Variants in SORL1-AS1 observed in about 807,000 individuals in gnomAD.
SORL1-AS1 encodes lncRNA 51 A.
the SORL1-AS1 span, among the ~76,000 whole-genome samples, chr11:121,441,278 C>T: frequency 6.6e-6 from 1 of 151,800 alleles, no homozygotes; most frequent in Non-Finnish European, 1.5e-5. Context: ...AATCCCAGCA[C>T]TTTGGGAGGC....
rs1361237914 is a variant in SORL1-AS1 at position 121,450,364 on chromosome 11, CAGA to C, written n.340-468_340-466del. On this transcript the variant is annotated intron_variant and non_coding_transcript_variant, in intron 1 of 1. Coordinates refer to ENST00000501964, the Ensembl canonical transcript of SORL1-AS1. This position sits in a 1 kb window ranked among gnomAD's most constrained non-coding sequence, Gnocchi z 5.2. ...TCCTGGTAAGGTGATGCTGACCAGA[CAGA>C]GCTGATCTAGATGAGGGGTGGGAGG... Among the ~76,000 whole-genome samples, 3 of 151,862 alleles carry C rather than the reference CAGA, an allele frequency of 2.0e-5. No homozygotes were observed. Among genetic ancestry groups the C allele is most frequent in the Non-Finnish European group, 4.4e-5 (3 of 68,016 alleles).
Position 121,452,254 on chromosome 11 carries a change from G to T in SORL1-AS1, n.339+421C>A, listed in dbSNP as rs996515421. On this transcript the variant is annotated intron_variant and non_coding_transcript_variant, in intron 1 of 1. Coordinates refer to ENST00000501964, the Ensembl canonical transcript of SORL1-AS1. This position sits in a 1 kb window ranked among gnomAD's most constrained non-coding sequence, Gnocchi z 5.3. Reference sequence around the variant, plus strand: ...CCCCGGGAGCGGCGCGCGCGGTCCCGGCCCAGCGGCTCTCCTGGCCTCGCG... The same window carrying T: ...CCCCGGGAGCGGCGCGCGCGGTCCCTGCCCAGCGGCTCTCCTGGCCTCGCG... 5.7e-6 allele frequency: 7 copies of T among 1,233,300 alleles called. No individual in the cohort carries two copies. Among genetic ancestry groups the T allele is most frequent in the Non-Finnish European group, 7.3e-6 (7 of 955,366 alleles). 76.4% of individuals were successfully genotyped at this position (1,233,300 alleles called of 1,614,324 possible). A position where few individuals can be genotyped will look rare whatever the true frequency, so the allele number is the denominator to read the frequency against.
the SORL1-AS1 span, among the ~76,000 whole-genome samples, chr11:121,441,530 C>CAAAAAAAAAAAAAAAAAAAAAAAAAAA: frequency 9.6e-4 from 50 of 52,332 alleles, no homozygotes; most frequent in African/African-American, 1.2e-3. Flanking sequence ...GACTCTGTCT[C>CAAAAAAAAAAAAAAAAAAAAAAAAAAA]AAAAAAAAAA....
downstream of SORL1-AS1, among the ~76,000 whole-genome samples, chr11:121,445,544 C>G (rs993051520): frequency 3.3e-5 from 5 of 152,134 alleles, no homozygotes; most frequent in African/African-American, 4.8e-5. Context: ...CCCCACCTAC[C>G]TGTTCCCACA....
the SORL1-AS1 span, among the ~76,000 whole-genome samples, chr11:121,441,490 C>T: frequency 7.0e-6 from 1 of 142,880 alleles, no homozygotes; most frequent in African/African-American, 2.7e-5. Flanking sequence ...AAGATTCCAC[C>T]ACTGCACTCC....
chr11:121,443,062 AAG>A (rs1353974796), downstream of SORL1-AS1, among the ~76,000 whole-genome samples: 4 of 152,122 alleles, frequency 2.6e-5, no homozygotes, highest in Non-Finnish European at 5.9e-5. Context: ...TGGGATGGAA[AAG>A]AGTGTCTATA....
In SORL1-AS1 at chr11:121,452,378, T is replaced by G; in HGVS notation, n.339+297A>C. The G allele has an allele frequency of 6.4e-7, 1 of 1,552,446 alleles. No homozygotes were observed. The highest frequency in any genetic ancestry group is 8.7e-7 in the Non-Finnish European group (1 of 1,153,868). ...AGGGAGTCGCGACTCCCGTTCCTATTCACCCTGGTCGCACTGCTGCCGCCC... is the reference window on the plus strand; with the variant it reads ...AGGGAGTCGCGACTCCCGTTCCTATGCACCCTGGTCGCACTGCTGCCGCCC... On this transcript the variant is annotated intron_variant and non_coding_transcript_variant, in intron 1 of 1. Coordinates refer to ENST00000501964, the Ensembl canonical transcript of SORL1-AS1. The surrounding 1 kb of genome is among the most constrained non-coding windows in gnomAD (Gnocchi z 5.3).
At chr11:121,438,829 C>T in the SORL1-AS1 span, among the ~76,000 whole-genome samples, 3 of 152,290 alleles carry the variant, frequency 2.0e-5, no homozygotes, top group East Asian at 5.8e-4. Flanking sequence ...AGTTCGAGAG[C>T]AGCCTGGCCA....
chr11:121,441,682 C>T, the SORL1-AS1 span, among the ~76,000 whole-genome samples: 14 of 152,026 alleles, frequency 9.2e-5, no homozygotes, highest in Non-Finnish European at 2.1e-4. Context: ...CACTGGGTGG[C>T]TTGAGGATGT....
downstream of SORL1-AS1, among the ~76,000 whole-genome samples, chr11:121,445,234 G>C (rs569100994): frequency 1.3e-5 from 2 of 152,162 alleles, no homozygotes; most frequent in Admixed American, 6.5e-5. Flanking sequence ...GCACAGTGAG[G>C]GGCGTGATCT....
Position 121,452,644 on chromosome 11 carries a change from C to A in SORL1-AS1, n.339+31G>T, listed in dbSNP as rs1446148475. 1 of 1,424,328 alleles carries A rather than the reference C, an allele frequency of 7.0e-7. No homozygotes were observed. Among genetic ancestry groups the A allele is most frequent in the Non-Finnish European group, 9.2e-7 (1 of 1,091,362 alleles). 88.2% of individuals were successfully genotyped at this position (1,424,328 alleles called of 1,614,324 possible). Reference sequence around the variant, plus strand: ...GAGCAGTTTTGCAACCCGCCTCCCTCCAGTTTTTTCCTCTCCCTGCACTTC... The same window carrying A: ...GAGCAGTTTTGCAACCCGCCTCCCTACAGTTTTTTCCTCTCCCTGCACTTC... On this transcript the variant is annotated intron_variant and non_coding_transcript_variant, in intron 1 of 1. Coordinates refer to ENST00000501964, the Ensembl canonical transcript of SORL1-AS1. The surrounding 1 kb of genome is among the most constrained non-coding windows in gnomAD (Gnocchi z 5.3).
rs1860775835 is a variant in SORL1-AS1, at chr11:121,450,485, TTA to T, written n.340-588_340-587del. Reference sequence around the variant, plus strand: ...TATAAGTATATAATAAATATATATGTTATATATATGAGTTAGAGCTGAATTGC... The same window carrying T: ...TATAAGTATATAATAAATATATATGTTATATATGAGTTAGAGCTGAATTGC... On this transcript the variant is annotated intron_variant and non_coding_transcript_variant, in intron 1 of 1. Coordinates refer to ENST00000501964, the Ensembl canonical transcript of SORL1-AS1. This position sits in a 1 kb window ranked among gnomAD's most constrained non-coding sequence, Gnocchi z 5.2. 6.6e-6 allele frequency among the ~76,000 whole-genome samples: 1 copy of T among 151,648 alleles called. No individual in the cohort carries two copies. Among genetic ancestry groups the T allele is most frequent in the South Asian group, 2.1e-4 (1 of 4,816 alleles).
chr11:121,452,467 CG>C lies in SORL1-AS1; in HGVS notation n.339+207del. On this transcript the variant is annotated intron_variant and non_coding_transcript_variant, in intron 1 of 1. Coordinates refer to ENST00000501964, the Ensembl canonical transcript of SORL1-AS1. This position sits in a 1 kb window ranked among gnomAD's most constrained non-coding sequence, Gnocchi z 5.3. ...CGGCAGCGCGCCCTTGCCCCAGGAC[CG>C]GGGCTTCCTCGTGGTGCAGGGCGAC... The C allele has an allele frequency of 6.6e-7, 1 of 1,507,152 alleles. No individual in the cohort carries two copies. The highest frequency in any genetic ancestry group is 8.9e-7 in the Non-Finnish European group (1 of 1,128,914). 93.4% of individuals were successfully genotyped at this position (1,507,152 alleles called of 1,614,324 possible).
At position 121,452,247 on chromosome 11, in the gene SORL1-AS1, C is replaced by A. The variant is rs886272063; in HGVS notation, n.339+428G>T. ...CCTGGAGCCCCGGGAGCGGCGCGCG[C>A]GGTCCCGGCCCAGCGGCTCTCCTGG... On this transcript the variant is annotated intron_variant and non_coding_transcript_variant, in intron 1 of 1. Transcript: ENST00000501964. This position sits in a 1 kb window ranked among gnomAD's most constrained non-coding sequence, Gnocchi z 5.3. The A allele has an allele frequency of 2.7e-6, 3 of 1,126,288 alleles. No individual in the cohort carries two copies. The highest frequency in any genetic ancestry group is 3.4e-6 in the Non-Finnish European group (3 of 879,926). The allele number at this position is 1,126,288 out of a possible 1,614,324, so 69.8% of individuals were successfully genotyped here.
downstream of SORL1-AS1, among the ~76,000 whole-genome samples, chr11:121,444,957 C>T (rs914012351): frequency 1.3e-5 from 2 of 152,168 alleles, no homozygotes; most frequent in Non-Finnish European, 2.9e-5. Flanking sequence ...TTTCACTCAC[C>T]TCTTTGCTTA....
downstream of SORL1-AS1, among the ~76,000 whole-genome samples, chr11:121,444,768 A>G (rs1294381540): frequency 6.6e-6 from 1 of 152,228 alleles, no homozygotes; most frequent in Non-Finnish European, 1.5e-5. Flanking sequence ...GACTGTAAGT[A>G]TTCCATGGCG....
chr11:121,444,744 C>A (rs892621660), downstream of SORL1-AS1, among the ~76,000 whole-genome samples: 1 of 152,212 alleles, frequency 6.6e-6, no homozygotes, highest in African/African-American at 2.4e-5. Context: ...AGGAACCACA[C>A]TCCATGGTTG....
At chr11:121,439,272 C>T in the SORL1-AS1 span, among the ~76,000 whole-genome samples, 5 of 152,026 alleles carry the variant, frequency 3.3e-5, no homozygotes, top group South Asian at 2.1e-4. Context: ...ACCATTCTGG[C>T]GGGTGTGTAG....
At chr11:121,442,968 G>A (rs1423274189), downstream of SORL1-AS1, among the ~76,000 whole-genome samples, 2 of 149,570 alleles carry the variant, frequency 1.3e-5, no homozygotes, top group African/African-American at 4.9e-5. Context: ...GTGAGTCACC[G>A]CGCCCAGCCA....
Sources: gnomAD v4.1 joint callset for allele counts (sites outside exome capture counted in the v4.1 genomes callset) on GRCh38, gnomAD v4.1.1 for gene constraint, Gnocchi (gnomAD v3.1) non-coding constraint, MANE v1.5 for transcripts, NCBI Gene and HGNC (gene_info 2026-07-23, HGNC 2026-07-21) for gene names.